The following FAM153A variants were observed in gnomAD, a reference collection of about 807,000 sequenced individuals.
FAM153A encodes protein FAM153A.
FAM153A carries 12 observed loss-of-function variants against 48.1 expected under a neutral mutation model. That is an observed-to-expected ratio of 0.25 (90% CI 0.16 to 0.40). The LOEUF (loss-of-function observed/expected upper bound fraction) is 0.40, where lower values mean the gene tolerates loss of function less well. FAM153A is among the 10% of genes least tolerant of loss of function. The probability of loss-of-function intolerance (pLI) is 1.00; values close to 1 mark genes in which losing one functional copy is unlikely to be tolerated. For synonymous variants in FAM153A, 36 were observed against 118.2 expected, an observed-to-expected ratio of 0.30 and a Z score of 4.51; for missense variants, 111 against 345.8, an observed-to-expected ratio of 0.32 and a Z score of 5.38.
chr5:177,702,381 T>G, the FAM153A span, among the ~76,000 whole-genome samples: 1 of 151,818 alleles, frequency 6.6e-6, no homozygotes, highest in Non-Finnish European at 1.5e-5. Flanking sequence ...TCTAACAACC[T>G]ACACTCATAT....
chr5:177,700,182 AG>A, the FAM153A span, among the ~76,000 whole-genome samples: 1 of 151,960 alleles, frequency 6.6e-6, no homozygotes, highest in Non-Finnish European at 1.5e-5. Context: ...TAGGAATAGG[AG>A]GGAACCTTCC....
chr5:177,703,627 C>T (rs1453915591), downstream of FAM153A, among the ~76,000 whole-genome samples: 1 of 145,036 alleles, frequency 6.9e-6, no homozygotes, highest in East Asian at 2.0e-4. Flanking sequence ...GTGATTGGAC[C>T]ATGGAGGCGG....
At chr5:177,697,100 A>G in the FAM153A span, among the ~76,000 whole-genome samples, 1 of 151,894 alleles carries the variant, frequency 6.6e-6, no homozygotes, top group African/African-American at 2.4e-5. Context: ...ATTTATTTAA[A>G]TCTTCTTTAA....
At chr5:177,715,224 C>T (rs1411171022) in intron 25 of FAM153A, among the ~76,000 whole-genome samples, 1 of 151,748 alleles carries the variant, frequency 6.6e-6, no homozygotes, top group African/African-American at 2.4e-5. Flanking sequence ...CCTTGTGATC[C>T]GTCTGCCTCA....
At position 177,771,089 on chromosome 5, in the gene FAM153A, A is replaced by C; in HGVS notation, c.-57+9360T>G. ...AAGACCAAAGTAACAGCATGTGGGCATGATTTCTCAAATTGCAGTATAGAA... is the reference window on the plus strand; with the variant it reads ...AAGACCAAAGTAACAGCATGTGGGCCTGATTTCTCAAATTGCAGTATAGAA... On this transcript the variant is annotated intron_variant, in intron 1 of 8. Coordinates refer to the FAM153A transcript ENST00000393518. 2.0e-5 allele frequency among the ~76,000 whole-genome samples: 2 copies of C among 98,060 alleles called. 1 individual carries two copies. The highest frequency in any genetic ancestry group is 4.2e-5 in the Non-Finnish European group (2 of 47,216). 64.3% of individuals were successfully genotyped at this position (98,060 alleles called of 152,430 possible).
At chr5:177,738,727 G>A (rs1307507217) in intron 10 of FAM153A, among the ~76,000 whole-genome samples, 3 of 151,320 alleles carry the variant, frequency 2.0e-5, no homozygotes, top group Non-Finnish European at 2.9e-5. Context: ...AATGGGCAGA[G>A]TGACGTTAAG....
chr5:177,712,743 C>T lies in FAM153A; in HGVS notation c.*1819G>A, dbSNP rs537331199. 77 of 151,900 alleles carry T rather than the reference C, an allele frequency of 5.1e-4. 3 individuals carry two copies. Among genetic ancestry groups the T allele is most frequent in the African/African-American group, 1.7e-3 (72 of 41,274 alleles). 9.4% of individuals were successfully genotyped at this position (151,900 alleles called of 1,614,324 possible). Reference sequence around the variant, plus strand: ...GGTGATAACACTACCCCCTCTCCAGCAGCTCCTGTGTCGTGGTGCACGTAT... The same window carrying T: ...GGTGATAACACTACCCCCTCTCCAGTAGCTCCTGTGTCGTGGTGCACGTAT... On this transcript the variant is annotated 3_prime_UTR_variant and NMD_transcript_variant, in exon 27 of 27. Transcript: ENST00000360669.
Position 177,748,011 on chromosome 5 carries a change from C to CCT in FAM153A, c.235-220_235-219dup, listed in dbSNP as rs1177176537. Among the ~76,000 whole-genome samples the CCT allele has an allele frequency of 9.6e-4, 9 of 9,332 alleles. 3 individuals carry two copies. Among genetic ancestry groups the CCT allele is most frequent in the Admixed American group, 1.5e-3 (1 of 662 alleles). The allele number at this position is 9,332 out of a possible 152,430, so 6.1% of individuals were successfully genotyped here. A position where few individuals can be genotyped will look rare whatever the true frequency, so the allele number is the denominator to read the frequency against. On this transcript the variant is annotated intron_variant, in intron 3 of 20. Transcript: ENST00000614127. ...CCCTTCCCTTCTTCCTTCCTTCCTG[C>CCT]CTCTCTCTCTCTCTCTCTCTCTCTC... is the stretch of plus-strand genomic sequence containing the variant.
downstream of FAM153A, among the ~76,000 whole-genome samples, chr5:177,708,564 C>T (rs572853952): frequency 6.6e-6 from 1 of 151,358 alleles, no homozygotes; most frequent in Non-Finnish European, 1.5e-5. Context: ...GCAACAAGAG[C>T]GAAACTCAGT....
Position 177,766,643 on chromosome 5 carries a change from C to T in FAM153A, c.-57+13806G>A, listed in dbSNP as rs1408639749. Reference sequence around the variant, plus strand: ...CTTTTGTAAAATTATAATCCTATGGCGAAACCTTTACTTTGCCCTAAAGCC... The same window carrying T: ...CTTTTGTAAAATTATAATCCTATGGTGAAACCTTTACTTTGCCCTAAAGCC... On this transcript the variant is annotated intron_variant, in intron 1 of 8. Transcript: ENST00000393518. 2.1e-5 allele frequency among the ~76,000 whole-genome samples: 2 copies of T among 93,704 alleles called. 1 individual carries two copies. Among genetic ancestry groups the T allele is most frequent in the African/African-American group, 8.1e-5 (2 of 24,584 alleles). 61.5% of individuals were successfully genotyped at this position (93,704 alleles called of 152,430 possible).
chr5:177,759,535 T>C lies in FAM153A; in HGVS notation c.-56-10836A>G, dbSNP rs10039153. Among the ~76,000 whole-genome samples the C allele has an allele frequency of 1.3e-3, 194 of 151,750 alleles. 6 individuals carry two copies. The highest frequency in any genetic ancestry group is 4.6e-3 in the African/African-American group (190 of 41,090). On this transcript the variant is annotated intron_variant, in intron 1 of 8. Transcript: ENST00000393518. Reference sequence around the variant, plus strand: ...CACACGTATGTTTATTGTGGCACTATTCACAATAGCAAAGACTTGGAACCA... The same window carrying C: ...CACACGTATGTTTATTGTGGCACTACTCACAATAGCAAAGACTTGGAACCA...
chr5:177,722,042 A>G (rs1761141694), downstream of FAM153A: 1 of 151,568 alleles, frequency 6.6e-6, no homozygotes, highest in African/African-American at 2.4e-5. Context: ...TTGGAAAATA[A>G]CTTCAAGAAA....
upstream of FAM153A, among the ~76,000 whole-genome samples, chr5:177,754,961 C>G (rs1450737858): frequency 1.3e-5 from 2 of 151,846 alleles, no homozygotes; most frequent in Admixed American, 1.3e-4. Flanking sequence ...CAGCTCCTCA[C>G]CAGTAACGGG....
downstream of FAM153A, among the ~76,000 whole-genome samples, chr5:177,717,812 A>T (rs531498312): frequency 1.0e-5 from 1 of 98,810 alleles, no homozygotes; most frequent in Non-Finnish European, 2.0e-5. Flanking sequence ...AGGAGAAGAA[A>T]AAAGCAACCA....
At chr5:177,755,672 G>A (rs957152061), upstream of FAM153A, among the ~76,000 whole-genome samples, 3 of 151,704 alleles carry the variant, frequency 2.0e-5, no homozygotes, top group Non-Finnish European at 4.4e-5. Context: ...GAGAGTGGGG[G>A]CCAATATTCA....
chr5:177,707,623 C>CT (rs147632275), downstream of FAM153A, among the ~76,000 whole-genome samples: 18,295 of 150,158 alleles, frequency 0.12, 1,425 homozygotes, highest in East Asian at 0.34. Flanking sequence ...GATTAAATAA[C>CT]TTTTTTTTTT....
At chr5:177,696,752 G>C in the FAM153A span, among the ~76,000 whole-genome samples, 1 of 151,118 alleles carries the variant, frequency 6.6e-6, no homozygotes, top group Non-Finnish European at 1.5e-5. Flanking sequence ...CTACAGCCTT[G>C]AAGTCCTGGG....
intron 1 of FAM153A, among the ~76,000 whole-genome samples, chr5:177,770,012 A>C (rs1299386865): frequency 9.8e-6 from 1 of 101,682 alleles, no homozygotes; most frequent in Non-Finnish European, 2.1e-5. Flanking sequence ...CACACAAAGC[A>C]AAACTGCCGT....
At chr5:177,759,735 G>A (rs144612876) in intron 1 of FAM153A, among the ~76,000 whole-genome samples, 20,125 of 150,016 alleles carry the variant, frequency 0.13, 1,578 homozygotes, top group African/African-American at 0.24. Flanking sequence ...AATACCACAT[G>A]TTCTCACTCA....
Sources: gnomAD v4.1 joint callset for allele counts (sites outside exome capture counted in the v4.1 genomes callset) on GRCh38, gnomAD v4.1.1 for gene constraint, MANE v1.5 for transcripts, NCBI Gene and HGNC (gene_info 2026-07-23, HGNC 2026-07-21) for gene names.